The following KIAA0319L variants were observed in gnomAD, a reference collection of about 807,000 sequenced individuals.
The protein encoded by KIAA0319L is dyslexia-associated protein KIAA0319-like protein.
KIAA0319L carries 55 observed loss-of-function variants against 120.1 expected under a neutral mutation model. That is an observed-to-expected ratio of 0.46 (90% CI 0.37 to 0.57). The LOEUF is 0.57. KIAA0319L is among the 20% of genes least tolerant of loss of function. The pLI is 0.00. For missense variants in KIAA0319L, 1,049 were observed against 1,255.3 expected, an observed-to-expected ratio of 0.84 and a Z score of 2.48; for synonymous variants, 398 against 471.9, an observed-to-expected ratio of 0.84 and a Z score of 2.03.
At chr1:35,454,706 C>A in intron 10 of KIAA0319L, 2 of 1,165,006 alleles carry the variant, frequency 1.7e-6, no homozygotes, top group Non-Finnish European at 2.3e-6. Context: ...TCTGACACAG[C>A]AGCAGTTTCA....
chr1:35,526,380 T>C (rs953371294), intron 2 of KIAA0319L, among the ~76,000 whole-genome samples: 2 of 125,228 alleles, frequency 1.6e-5, no homozygotes, highest in African/African-American at 7.5e-5. Context: ...TACATATATA[T>C]ATACATACAT....
chr1:35,526,340 T>C lies in KIAA0319L; in HGVS notation c.143-19205A>G, dbSNP rs1646128599. On this transcript the variant is annotated intron_variant, in intron 2 of 20. Coordinates refer to ENST00000325722, the MANE Select transcript of KIAA0319L (RefSeq NM_024874.5). The stretch of plus-strand genomic sequence containing the variant: ...ATGTGTATGTGTGTGTATATGTATA[T>C]ATGTACGTGTGTGTGTGTATATATA... Among the ~76,000 whole-genome samples, 4 of 146,626 alleles carry C rather than the reference T, an allele frequency of 2.7e-5. No individual in the cohort carries two copies. In the Admixed American group the frequency reaches 2.7e-4, roughly 10 times the overall value.
chr1:35,434,197 G>C lies in KIAA0319L; in HGVS notation c.*697C>G, dbSNP rs1437388490. ...CCTCCCAGGTTTAAGCAATTCTCCT[G>C]CCTCAGCCTCCCGAGTAGCTGGGAT... On this transcript the variant is annotated 3_prime_UTR_variant, in exon 21 of 21. Transcript: ENST00000325722. The C allele has an allele frequency of 6.7e-6, 1 of 150,038 alleles. No individual in the cohort carries two copies. The highest frequency in any genetic ancestry group is 2.5e-5 in the African/African-American group (1 of 40,640). 9.3% of individuals were successfully genotyped at this position (150,038 alleles called of 1,614,324 possible).
In KIAA0319L at chr1:35,454,725, C is replaced by T. The variant is rs185967219; in HGVS notation, c.1657-240G>A. The T allele has an allele frequency of 3.7e-5, 35 of 949,658 alleles. No individual in the cohort carries two copies. In the Admixed American group the frequency reaches 1.2e-3, roughly 31 times the overall value. The allele number at this position is 949,658 out of a possible 1,614,324, so 58.8% of individuals were successfully genotyped here. A position where few individuals can be genotyped will look rare whatever the true frequency, so the allele number is the denominator to read the frequency against. On this transcript the variant is annotated intron_variant, in intron 10 of 20. Transcript: ENST00000325722. Reference sequence around the variant, plus strand: ...ACACAGCAGCAGTTTCAAATAAAGCCAGAACTCTCATAAGAGAGGGCAGTA... The same window carrying T: ...ACACAGCAGCAGTTTCAAATAAAGCTAGAACTCTCATAAGAGAGGGCAGTA...
chr1:35,529,312 A>G (rs1646272456), intron 2 of KIAA0319L, among the ~76,000 whole-genome samples: 1 of 152,188 alleles, frequency 6.6e-6, no homozygotes, highest in Non-Finnish European at 1.5e-5. Context: ...GGTTATTTTC[A>G]TATCTTTTGT....
chr1:35,458,540 T>A (rs1346669779), intron 9 of KIAA0319L, among the ~76,000 whole-genome samples: 1 of 152,134 alleles, frequency 6.6e-6, no homozygotes, highest in African/African-American at 2.4e-5. Flanking sequence ...TCATACCCCA[T>A]CCACTAAAAA....
At position 35,460,449 on chromosome 1, in the gene KIAA0319L, A is replaced by G. The variant is rs1328201800; in HGVS notation, c.1295-12T>C. 3.1e-6 allele frequency: 5 copies of G among 1,611,050 alleles called. 1 individual carries two copies. Among genetic ancestry groups the G allele is most frequent in the Admixed American group, 1.7e-5 (1 of 59,448 alleles). On this transcript the variant is annotated splice_polypyrimidine_tract_variant and intron_variant, in intron 8 of 20. Transcript: ENST00000325722. ...ATCATCAGTGCTTTCTTGACCATAA[A>G]GAAACATCAGTTACAACATGAGAAC...
intron 2 of KIAA0319L, among the ~76,000 whole-genome samples, chr1:35,539,097 A>G (rs150308737): frequency 6.6e-6 from 1 of 152,288 alleles, no homozygotes; most frequent in African/African-American, 2.4e-5. Context: ...CACTACCCAC[A>G]GGGACACAGC....
intron 2 of KIAA0319L, among the ~76,000 whole-genome samples, chr1:35,521,704 G>A (rs1645924735): frequency 6.6e-6 from 1 of 151,562 alleles, no homozygotes; most frequent in Non-Finnish European, 1.5e-5. Context: ...CGAGAGCGGT[G>A]GCTCACGCCT....
At chr1:35,450,280 G>T in intron 14 of KIAA0319L, 78 bp downstream of exon 14, 1 of 1,439,564 alleles carries the variant, frequency 6.9e-7, no homozygotes, top group Middle Eastern at 2.5e-4. Context: ...GGGACCACTT[G>T]ATTAAAGCAT....
chr1:35,538,225 T>C (rs1393396462), intron 2 of KIAA0319L, among the ~76,000 whole-genome samples: 1 of 152,190 alleles, frequency 6.6e-6, no homozygotes, highest in East Asian at 1.9e-4. Context: ...CGTGTATCTA[T>C]AGTATATATA....
chr1:35,536,806 C>T (rs1408867141), intron 2 of KIAA0319L, among the ~76,000 whole-genome samples: 2 of 150,262 alleles, frequency 1.3e-5, no homozygotes, highest in African/African-American at 4.9e-5. Flanking sequence ...TGTTCAGAAA[C>T]AATCCAGTCA....
intron 3 of KIAA0319L, among the ~76,000 whole-genome samples, chr1:35,497,563 TATAA>T (rs1265105846): frequency 1.3e-5 from 2 of 152,208 alleles, no homozygotes; most frequent in Non-Finnish European, 2.9e-5. Flanking sequence ...TAGAGATAGA[TATAA>T]ATAAACTAAC....
intron 16 of KIAA0319L, among the ~76,000 whole-genome samples, chr1:35,447,260 A>C: frequency 6.6e-6 from 1 of 151,388 alleles, no homozygotes; most frequent in African/African-American, 2.5e-5. Flanking sequence ...AAAAAAATCA[A>C]ATTATGGAAA....
intron 7 of KIAA0319L, among the ~76,000 whole-genome samples, chr1:35,465,712 A>G (rs1313263736): frequency 2.6e-5 from 4 of 152,194 alleles, no homozygotes; most frequent in Non-Finnish European, 4.4e-5. Context: ...CCCAAATCTC[A>G]TCTTGAATTG....
chr1:35,453,412 G>T lies in KIAA0319L; in HGVS notation c.1913+145C>A. 1 of 678,668 alleles carries T rather than the reference G, an allele frequency of 1.5e-6. No homozygotes were observed. Among genetic ancestry groups the T allele is most frequent in the Non-Finnish European group, 2.5e-6 (1 of 402,000 alleles). The allele number at this position is 678,668 out of a possible 1,614,324, so 42.0% of individuals were successfully genotyped here. A position where few individuals can be genotyped will look rare whatever the true frequency, so the allele number is the denominator to read the frequency against. ...ATTATAATATCATTTTCTTGGAGTT[G>T]AAGTTTGGAATTGCAAACATTTCTT... On this transcript the variant is annotated intron_variant, in intron 12 of 20. Coordinates refer to ENST00000325722, the MANE Select transcript of KIAA0319L (RefSeq NM_024874.5). This position sits in a 1 kb window ranked among gnomAD's most constrained non-coding sequence, Gnocchi z 4.1.
intron 16 of KIAA0319L, among the ~76,000 whole-genome samples, chr1:35,446,581 T>C (rs1215196367): frequency 1.3e-5 from 2 of 152,176 alleles, no homozygotes; most frequent in African/African-American, 2.4e-5. Flanking sequence ...TACTTTGTGT[T>C]CTCACCACAC....
At chr1:35,480,366 T>C (rs1249166505) in intron 3 of KIAA0319L, among the ~76,000 whole-genome samples, 2 of 152,236 alleles carry the variant, frequency 1.3e-5, no homozygotes. Context: ...TTACAAGTCA[T>C]TTCTTAGCGT....
intron 2 of KIAA0319L, among the ~76,000 whole-genome samples, chr1:35,521,463 T>C (rs1183162799): frequency 1.3e-5 from 2 of 151,178 alleles, no homozygotes; most frequent in African/African-American, 2.4e-5. Flanking sequence ...TGAAACCCTG[T>C]CTCTACTAAA....
Sources: allele counts gnomAD v4.1 joint callset (sites outside exome capture counted in the v4.1 genomes callset), GRCh38; gene constraint gnomAD v4.1.1; non-coding constraint Gnocchi (gnomAD v3.1); transcripts MANE v1.5; gene names NCBI Gene and HGNC (gene_info 2026-07-23, HGNC 2026-07-21).